RBPJ: variants seen among roughly 807,000 people sequenced by gnomAD.
The protein encoded by RBPJ is recombining binding protein suppressor of hairless.
Under a neutral mutation model 67.8 loss-of-function variants are expected in RBPJ, and 9 were observed. The observed-to-expected ratio is 0.13, with a 90% CI of 0.08 to 0.23. The LOEUF (loss-of-function observed/expected upper bound fraction) is 0.23. Among genes scored for constraint, RBPJ ranks in the 10% least tolerant of loss-of-function variants. The probability of loss-of-function intolerance (pLI) is 1.00; values close to 1 mark genes in which losing one functional copy is unlikely to be tolerated. For missense variants in RBPJ, 305 were observed against 595.6 expected (o/e 0.51, Z 5.08); for synonymous variants, 198 against 203.3 (o/e 0.97, Z 0.22).
chr4:26,109,501 CAT>C, the RBPJ span, among the ~76,000 whole-genome samples: 31 of 49,204 alleles, frequency 6.3e-4, 2 homozygotes, highest in African/African-American at 1.8e-3. Flanking sequence ...TACACACACA[CAT>C]ATATATATAT....
upstream of RBPJ, chr4:26,319,732 C>G: frequency 2.5e-6 from 2 of 809,048 alleles, no homozygotes; most frequent in Non-Finnish European, 4.3e-6. Context: ...CGCAGTGCCG[C>G]TCGCGCGGGC....
chr4:26,356,242 T>C (rs540546534), intron 1 of RBPJ, among the ~76,000 whole-genome samples: 1 of 152,324 alleles, frequency 6.6e-6, no homozygotes, highest in South Asian at 2.1e-4. Flanking sequence ...GTGAGTACTT[T>C]TAGCTAGGGA....
At position 26,432,376 on chromosome 4, in the gene RBPJ, G is replaced by A. The variant is rs1333422151; in HGVS notation, c.*1369G>A. On this transcript the variant is annotated 3_prime_UTR_variant, in exon 11 of 11. Coordinates refer to ENST00000355476, the MANE Select transcript of RBPJ (RefSeq NM_015874.6). ...AGTTGTAAGATTATAAAATGCAAAT[G>A]TAACTTATGTTTTCATTTTTTTCTC... 1 of 152,208 alleles carries A rather than the reference G, an allele frequency of 6.6e-6. No homozygotes were observed. Among genetic ancestry groups the A allele is most frequent in the Admixed American group, 6.5e-5 (1 of 15,286 alleles). 9.4% of individuals were successfully genotyped at this position (152,208 alleles called of 1,614,324 possible).
chr4:26,395,628 C>T (rs556900972), intron 2 of RBPJ, among the ~76,000 whole-genome samples: 1 of 152,040 alleles, frequency 6.6e-6, no homozygotes, highest in South Asian at 2.1e-4. Context: ...CCTTTGTTGC[C>T]CTGTGATCTC....
At chr4:26,419,616 TG>T (rs1734929054) in intron 4 of RBPJ, among the ~76,000 whole-genome samples, 2 of 152,236 alleles carry the variant, frequency 1.3e-5, no homozygotes, top group African/African-American at 4.8e-5. Context: ...TAAAGTGGAA[TG>T]TTGATCCTTT....
intron 1 of RBPJ, among the ~76,000 whole-genome samples, chr4:26,349,093 C>CGCGCGCGCGCGTGCGCACGCGCGCGT (rs113326244): frequency 6.6e-6 from 1 of 150,738 alleles, no homozygotes; most frequent in African/African-American, 2.4e-5. Context: ...TGTGTGCGCG[C>CGCGCGCGCGCGTGCGCACGCGCGCGT]GCGCACGCAC....
chr4:26,177,886 A>T (rs1437026590), intron 1 of RBPJ, among the ~76,000 whole-genome samples: 3 of 152,218 alleles, frequency 2.0e-5, no homozygotes, highest in Admixed American at 2.0e-4. Context: ...AATAAACACC[A>T]TTGGCCTCGT....
the RBPJ span, among the ~76,000 whole-genome samples, chr4:26,107,955 C>T: frequency 9.2e-5 from 14 of 152,242 alleles, no homozygotes; most frequent in Admixed American, 6.5e-4. Context: ...CCTGCTTCAT[C>T]GTGTAATGTG....
intron 1 of RBPJ, among the ~76,000 whole-genome samples, chr4:26,252,932 T>C (rs1272008791): frequency 6.6e-6 from 1 of 152,200 alleles, no homozygotes; most frequent in Non-Finnish European, 1.5e-5. Context: ...CTGGCTCTAC[T>C]ATATAAAAAA....
At chr4:26,174,959 A>T (rs551385208) in intron 1 of RBPJ, among the ~76,000 whole-genome samples, 1 of 152,204 alleles carries the variant, frequency 6.6e-6, no homozygotes, top group East Asian at 1.9e-4. Context: ...AAAGAAAGCT[A>T]GTAAACAAGA....
At chr4:26,165,354 T>C (rs756416693) in intron 1 of RBPJ, among the ~76,000 whole-genome samples, 7 of 152,202 alleles carry the variant, frequency 4.6e-5, no homozygotes, top group Non-Finnish European at 8.8e-5. Flanking sequence ...ATATACTGTT[T>C]TGTTGAATGT....
chr4:26,255,215 T>C (rs1248756664), intron 1 of RBPJ, among the ~76,000 whole-genome samples: 7 of 140,904 alleles, frequency 5.0e-5, no homozygotes, highest in South Asian at 2.4e-4. Context: ...CCATCCTGGC[T>C]AACACGGTGA....
In RBPJ at chr4:26,362,311, A is replaced by T. The variant is rs1728149758; in HGVS notation, c.21-24042A>T. The T allele has an allele frequency of 8.4e-6, 3 of 357,018 alleles. No homozygotes were observed. The East Asian group carries it at 1.3e-4, about 16-fold the overall frequency. 22.1% of individuals were successfully genotyped at this position (357,018 alleles called of 1,614,324 possible). On this transcript the variant is annotated intron_variant, in intron 1 of 10. Coordinates refer to ENST00000355476, the MANE Select transcript of RBPJ (RefSeq NM_015874.6). ...CTATTCCTCATTCATATGAGGGTTC[A>T]CATTAAAAATGACAGTGTTACACAG...
chr4:26,344,506 A>G (rs1725926673), intron 1 of RBPJ, among the ~76,000 whole-genome samples: 1 of 152,216 alleles, frequency 6.6e-6, no homozygotes, highest in Non-Finnish European at 1.5e-5. Flanking sequence ...AAGTGCTGGG[A>G]TTACAGGCGT....
chr4:26,210,265 C>T (rs1249003483), intron 1 of RBPJ, among the ~76,000 whole-genome samples: 5 of 152,124 alleles, frequency 3.3e-5, no homozygotes, highest in East Asian at 1.9e-4. Flanking sequence ...TTGTAACTGC[C>T]GGTTCTTTCC....
intron 1 of RBPJ, among the ~76,000 whole-genome samples, chr4:26,177,899 G>A (rs1292677854): frequency 1.3e-5 from 2 of 152,158 alleles, no homozygotes; most frequent in Non-Finnish European, 2.9e-5. Context: ...GGCCTCGTAC[G>A]TCATATGTGA....
intron 1 of RBPJ, among the ~76,000 whole-genome samples, chr4:26,336,343 A>G (rs1292491500): frequency 6.6e-6 from 1 of 152,170 alleles, no homozygotes; most frequent in East Asian, 1.9e-4. Flanking sequence ...TTAGAGATCT[A>G]GGTACTGTGG....
chr4:26,127,422 G>A, the RBPJ span, among the ~76,000 whole-genome samples: 6 of 152,316 alleles, frequency 3.9e-5, no homozygotes, highest in African/African-American at 1.4e-4. Context: ...GCAGGATCAT[G>A]TGGTAGAAAT....
intron 1 of RBPJ, among the ~76,000 whole-genome samples, chr4:26,164,782 TG>T (rs916044371): frequency 2.0e-5 from 3 of 152,076 alleles, no homozygotes; most frequent in East Asian, 1.9e-4. Context: ...TACTGGAAAA[TG>T]GGGGGGACCA....
Sources: gnomAD v4.1 joint callset for allele counts (sites outside exome capture counted in the v4.1 genomes callset) on GRCh38, gnomAD v4.1.1 for gene constraint, MANE v1.5 for transcripts, NCBI Gene and HGNC (gene_info 2026-07-23, HGNC 2026-07-21) for gene names.